The following ZNF117 variants were observed in gnomAD, a reference collection of about 807,000 sequenced individuals.
ZNF117 encodes the protein zinc finger protein 117.
A neutral mutation model predicts 41.2 loss-of-function variants in ZNF117; 37 were observed. The observed-to-expected ratio is 0.90, with a 90% CI of 0.69 to 1.18. The LOEUF is 1.18. ZNF117 is among the 50% of genes most tolerant of loss of function. The pLI is 0.00. For synonymous variants in ZNF117, 186 were observed against 186.6 expected (o/e 1.00, Z 0.02); for missense variants, 546 against 557.5 (o/e 0.98, Z 0.21).
exon 3 of ZNF117, chr7:64,979,253 A>G: frequency 1.2e-6 from 2 of 1,607,296 alleles, no homozygotes; most frequent in Non-Finnish European, 1.7e-6. Flanking sequence ...TAAAATGTTT[A>G]TTTTCAGTAT....
At chr7:64,977,901 T>C (rs1562983309) in exon 3 of ZNF117, 2 of 1,212,660 alleles carry the variant, frequency 1.6e-6, no homozygotes, top group African/African-American at 1.5e-5. Flanking sequence ...TTCACATTTG[T>C]AGGGTTTCTC....
chr7:64,982,546 C>T (rs2129119633), upstream of ZNF117, among the ~76,000 whole-genome samples: 1 of 152,194 alleles, frequency 6.6e-6, no homozygotes, highest in African/African-American at 2.4e-5. Flanking sequence ...ATTATTTTTT[C>T]AGAAGATCTG....
intron 1 of ZNF117, 24 bp downstream of exon 2, chr7:64,981,960 T>C: frequency 1.8e-6 from 1 of 553,318 alleles, no homozygotes; most frequent in Non-Finnish European, 3.3e-6. Context: ...TTAGGGTATA[T>C]TAGAAAATGT....
rs1362062707 is a variant in ZNF117, at chr7:64,991,017, CTTAG to C, written c.-1270_-1267del. 1.9e-5 allele frequency: 9 copies of C among 464,292 alleles called. No individual in the cohort carries two copies. Among genetic ancestry groups the C allele is most frequent in the Admixed American group, 1.9e-4 (5 of 26,692 alleles). 28.8% of individuals were successfully genotyped at this position (464,292 alleles called of 1,614,324 possible). On this transcript the variant is annotated 5_prime_UTR_variant, in exon 1 of 4. The change abolishes the stop of an existing upstream ORF in the 5' untranslated region. Transcript: ENST00000282869. ...GCTCTTTTCTTGGCAGGGGTTAATA[CTTAG>C]TTAGGGCCATTAGTCGTGTGGTAGT...
chr7:64,983,170 C>T (rs1281406579), upstream of ZNF117, among the ~76,000 whole-genome samples: 1 of 152,270 alleles, frequency 6.6e-6, no homozygotes, highest in East Asian at 1.9e-4. Context: ...TTTTATTAAT[C>T]GTGTTCTGCA....
At chr7:64,988,170 C>T (rs754565177) in intron 1 of ZNF117, among the ~76,000 whole-genome samples, 1 of 152,084 alleles carries the variant, frequency 6.6e-6, no homozygotes, top group Non-Finnish European at 1.5e-5. Flanking sequence ...AACTTTAGGC[C>T]AATATCCTTG....
chr7:64,983,790 G>A (rs1035626619), upstream of ZNF117, among the ~76,000 whole-genome samples: 1 of 152,148 alleles, frequency 6.6e-6, no homozygotes, highest in African/African-American at 2.4e-5. Context: ...GACACCATGG[G>A]ATAGTAATGG....
chr7:64,977,760 TTA>T, exon 3 of ZNF117: 1 of 910,958 alleles, frequency 1.1e-6, no homozygotes, highest in South Asian at 1.3e-5. Context: ...ATGAATTATT[TTA>T]TGTGTAGTAA....
exon 3 of ZNF117, chr7:64,979,258 C>T (rs1397961102): frequency 1.2e-6 from 2 of 1,606,588 alleles, no homozygotes; most frequent in East Asian, 2.2e-5. Flanking sequence ...TGTTTATTTT[C>T]AGTATGTCTC....
chr7:64,978,459 T>G, exon 3 of ZNF117: 1 of 1,613,498 alleles, frequency 6.2e-7, no homozygotes. Flanking sequence ...TGAGGACTGG[T>G]TAAAGGCTTT....
intron 1 of ZNF117, among the ~76,000 whole-genome samples, chr7:64,987,584 T>C (rs1462312922): frequency 6.6e-6 from 1 of 151,992 alleles, no homozygotes; most frequent in Non-Finnish European, 1.5e-5. Context: ...TAAAGAGAAT[T>C]AGAAATGACA....
chr7:64,982,336 A>T (rs7799463), upstream of ZNF117, among the ~76,000 whole-genome samples: 136,650 of 152,226 alleles, frequency 0.9, 61,859 homozygotes, highest in South Asian at 0.97. Context: ...AAGATCCACA[A>T]CATCTGTGTA....
intron 1 of ZNF117, among the ~76,000 whole-genome samples, chr7:64,989,481 A>ATATG (rs1786211832): frequency 1.1e-5 from 1 of 93,830 alleles, no homozygotes; most frequent in South Asian, 3.2e-4. Context: ...ATATATATAT[A>ATATG]TATATATATA....
chr7:64,982,628 T>C (rs1455652368), upstream of ZNF117, among the ~76,000 whole-genome samples: 1 of 152,160 alleles, frequency 6.6e-6, no homozygotes, highest in Non-Finnish European at 1.5e-5. Flanking sequence ...AGAAGAGTAT[T>C]TTGTCAAACA....
exon 3 of ZNF117, chr7:64,975,609 T>C (rs1362406127): frequency 6.6e-6 from 1 of 152,054 alleles, no homozygotes; most frequent in African/African-American, 2.4e-5. Context: ...AAGCATGAAG[T>C]AATTTGAGTT....
At chr7:64,977,595 T>A (rs1002080784) in exon 3 of ZNF117, 1 of 596,686 alleles carries the variant, frequency 1.7e-6, no homozygotes, top group African/African-American at 1.9e-5. Context: ...AATTCTTTTA[T>A]GTATAGTAAG....
chr7:64,989,471 A>C (rs1407472837), intron 1 of ZNF117, among the ~76,000 whole-genome samples: 3 of 112,190 alleles, frequency 2.7e-5, no homozygotes, highest in Admixed American at 2.7e-4. Flanking sequence ...ATATATATAT[A>C]TATATATATA....
At chr7:64,976,678 C>T in exon 3 of ZNF117, 1 of 282,642 alleles carries the variant, frequency 3.5e-6, no homozygotes, top group South Asian at 3.5e-5. Context: ...ATTATCTTAC[C>T]TACAATCAAG....
chr7:64,979,328 A>T, exon 3 of ZNF117: 1 of 1,593,578 alleles, frequency 6.3e-7, no homozygotes, highest in Non-Finnish European at 8.5e-7. Flanking sequence ...TATTACATTG[A>T]AATATTTTGC....
Sources: gnomAD v4.1 joint callset for allele counts (sites outside exome capture counted in the v4.1 genomes callset) on GRCh38, gnomAD v4.1.1 for gene constraint, MANE v1.5 for transcripts, NCBI Gene and HGNC (gene_info 2026-07-23, HGNC 2026-07-21) for gene names.